CSMD1: variants seen among roughly 807,000 people sequenced by gnomAD.
CSMD1 encodes CUB and Sushi multiple domains 1.
Under a neutral mutation model 417.5 loss-of-function variants are expected in CSMD1, and 213 were observed. The observed-to-expected ratio is 0.51, with a 90% CI of 0.46 to 0.57. The LOEUF (loss-of-function observed/expected upper bound fraction) is 0.57, where lower values mean the gene tolerates loss of function less well. Among genes scored for constraint, CSMD1 ranks in the 20% least tolerant of loss-of-function variants. CSMD1 has a pLI of 0.00. For synonymous variants in CSMD1, 2,862 were observed against 1,736.8 expected (o/e 1.65, Z -16.11); for missense variants, 6,923 against 4,529.7 (o/e 1.53, Z -15.17).
chr8:4,318,490 C>G (rs1295644203), intron 3 of CSMD1, among the ~76,000 whole-genome samples: 2 of 152,134 alleles, frequency 1.3e-5, no homozygotes, highest in Admixed American at 6.6e-5. Context: ...AGCTTGCATT[C>G]AGGACCTACT....
intron 3 of CSMD1, among the ~76,000 whole-genome samples, chr8:4,295,025 T>C (rs945394047): frequency 1.3e-5 from 2 of 149,180 alleles, no homozygotes; most frequent in African/African-American, 2.4e-5. Flanking sequence ...AGATTATATA[T>C]ACATATAATA....
chr8:4,047,978 T>G (rs1798235581), intron 3 of CSMD1, among the ~76,000 whole-genome samples: 3 of 152,192 alleles, frequency 2.0e-5, no homozygotes, highest in Admixed American at 2.0e-4. Flanking sequence ...CCTTGTTTCT[T>G]TTCATCCTGA....
intron 8 of CSMD1, among the ~76,000 whole-genome samples, chr8:3,597,579 A>G (rs940616144): frequency 6.6e-6 from 1 of 152,176 alleles, no homozygotes; most frequent in African/African-American, 2.4e-5. Context: ...TTTCCATATC[A>G]TACTTCTTAC....
At chr8:3,549,936 C>A (rs185285409) in intron 10 of CSMD1, among the ~76,000 whole-genome samples, 1 of 152,298 alleles carries the variant, frequency 6.6e-6, no homozygotes, top group East Asian at 1.9e-4. Context: ...AAAGAAAATT[C>A]AGGCAATTGA....
chr8:3,320,326 G>C (rs1222746305), intron 23 of CSMD1, among the ~76,000 whole-genome samples: 3 of 151,968 alleles, frequency 2.0e-5, no homozygotes, highest in Non-Finnish European at 4.4e-5. Flanking sequence ...CCCCTGCCTC[G>C]TGCCTCCTTC....
rs372502452 is a variant in CSMD1, at chr8:2,945,636, C to T, written c.10403-3032G>A. Among the ~76,000 whole-genome samples, 34 of 152,250 alleles carry T rather than the reference C, an allele frequency of 2.2e-4. No individual in the cohort carries two copies. In the South Asian group the frequency reaches 5.6e-3, roughly 25 times the overall value. The stretch of plus-strand genomic sequence containing the variant: ...GCAATTTCATTCAATCATTATCGTA[C>T]GAGGGTCTTCACAATAACACATGGA... On this transcript the variant is annotated intron_variant, in intron 68 of 69. Coordinates refer to ENST00000635120, the MANE Select transcript of CSMD1 (RefSeq NM_033225.6).
chr8:2,943,056 C>T (rs562602237), intron 68 of CSMD1, among the ~76,000 whole-genome samples: 1 of 152,214 alleles, frequency 6.6e-6, no homozygotes, highest in East Asian at 1.9e-4. Context: ...GCATTGCATT[C>T]TTCATATGTG....
chr8:3,607,361 T>C (rs1801669542), intron 8 of CSMD1, among the ~76,000 whole-genome samples: 1 of 152,240 alleles, frequency 6.6e-6, no homozygotes, highest in South Asian at 2.1e-4. Flanking sequence ...TGGGGCTGTT[T>C]ACAGTTAACT....
At chr8:4,794,888 G>T (rs1386288779) in intron 1 of CSMD1, among the ~76,000 whole-genome samples, 3 of 152,142 alleles carry the variant, frequency 2.0e-5, no homozygotes, top group African/African-American at 4.8e-5. Flanking sequence ...CAGATTGCAG[G>T]TGGCAAGAAA....
intron 12 of CSMD1, among the ~76,000 whole-genome samples, chr8:3,458,684 A>C (rs1045699525): frequency 1.3e-5 from 2 of 152,248 alleles, no homozygotes; most frequent in Admixed American, 6.5e-5. Context: ...GAACACATAT[A>C]ATCTATTAAT....
At chr8:4,978,775 T>C (rs1810708106) in intron 1 of CSMD1, among the ~76,000 whole-genome samples, 1 of 152,034 alleles carries the variant, frequency 6.6e-6, no homozygotes, top group South Asian at 2.1e-4. Context: ...CCGTCTCCAC[T>C]AAAAATACAA....
chr8:4,520,801 TATATTGG>T (rs1449358658), intron 2 of CSMD1, among the ~76,000 whole-genome samples: 1 of 152,204 alleles, frequency 6.6e-6, no homozygotes, highest in Admixed American at 6.5e-5. Flanking sequence ...AATTTGAAAT[TATATTGG>T]AGTGCCCTGT....
intron 2 of CSMD1, among the ~76,000 whole-genome samples, chr8:4,452,737 G>T (rs1799224782): frequency 6.6e-6 from 1 of 151,978 alleles, no homozygotes; most frequent in South Asian, 2.1e-4. Context: ...ACAGACACAG[G>T]TTATTCATCT....
intron 7 of CSMD1, among the ~76,000 whole-genome samples, chr8:3,671,160 G>A (rs1799011194): frequency 1.4e-5 from 2 of 146,912 alleles, no homozygotes; most frequent in East Asian, 2.0e-4. Context: ...GGATATATAT[G>A]TATATGAGAT....
intron 1 of CSMD1, among the ~76,000 whole-genome samples, chr8:4,962,673 T>A (rs778051804): frequency 1.2e-4 from 19 of 152,188 alleles, no homozygotes; most frequent in Non-Finnish European, 2.6e-4. Context: ...TACTGCAGTC[T>A]CTTGCTCCAT....
At chr8:4,505,768 G>C (rs923288390) in intron 2 of CSMD1, among the ~76,000 whole-genome samples, 1 of 151,612 alleles carries the variant, frequency 6.6e-6, no homozygotes, top group Non-Finnish European at 1.5e-5. Context: ...TGTAAGTTTT[G>C]TTCTTACCAA....
chr8:4,463,533 A>C (rs1007065594), intron 2 of CSMD1, among the ~76,000 whole-genome samples: 1 of 152,152 alleles, frequency 6.6e-6, no homozygotes, highest in Non-Finnish European at 1.5e-5. Flanking sequence ...CGATGAAAAA[A>C]CATGGTCTAT....
chr8:3,938,653 T>C (rs552626843), intron 5 of CSMD1, among the ~76,000 whole-genome samples: 99 of 152,316 alleles, frequency 6.5e-4, no homozygotes, highest in Non-Finnish European at 1.2e-3. Flanking sequence ...CAAGTCTCTT[T>C]GAAGTCTGCT....
intron 3 of CSMD1, among the ~76,000 whole-genome samples, chr8:4,265,230 G>T (rs552591934): frequency 6.6e-6 from 1 of 151,856 alleles, no homozygotes; most frequent in African/African-American, 2.4e-5. Flanking sequence ...GTTACAAATT[G>T]TATTCATATA....
Sources: gnomAD v4.1 joint callset for allele counts (sites outside exome capture counted in the v4.1 genomes callset) on GRCh38, gnomAD v4.1.1 for gene constraint, MANE v1.5 for transcripts, NCBI Gene and HGNC (gene_info 2026-07-23, HGNC 2026-07-21) for gene names.